STAT3: variants seen among roughly 807,000 people sequenced by gnomAD.
STAT3 encodes DNA-binding protein APRF.
STAT3 carries 7 observed loss-of-function variants against 114.3 expected under a neutral mutation model. That is an observed-to-expected ratio of 0.06 (90% CI 0.03 to 0.11). STAT3 has a LOEUF of 0.11. Ranked by LOEUF, STAT3 falls within the 10% of genes least tolerant of loss-of-function variation. STAT3 has a pLI of 1.00. For synonymous variants in STAT3, 331 were observed against 354.5 expected (o/e 0.93, Z 0.74); for missense variants, 364 against 960.9 (o/e 0.38, Z 8.21).
intron 1 of STAT3, among the ~76,000 whole-genome samples, chr17:42,372,977 G>T (rs2084238642): frequency 6.6e-6 from 1 of 152,140 alleles, no homozygotes; most frequent in Non-Finnish European, 1.5e-5. Context: ...AATAATAGAA[G>T]TTGTGGGAGA....
intron 1 of STAT3, among the ~76,000 whole-genome samples, chr17:42,357,440 G>C (rs1287738023): frequency 6.6e-6 from 1 of 152,136 alleles, no homozygotes; most frequent in Non-Finnish European, 1.5e-5. Flanking sequence ...GGGAGGCTGA[G>C]GAGGGTAGGT....
intron 14 of STAT3, among the ~76,000 whole-genome samples, chr17:42,327,806 C>G (rs1164564598): frequency 6.6e-6 from 1 of 152,064 alleles, no homozygotes. Flanking sequence ...CCAGCACTTT[C>G]GGAGGCCGAG....
intron 4 of STAT3, among the ~76,000 whole-genome samples, chr17:42,345,173 G>A (rs2082639143): frequency 6.6e-6 from 1 of 151,810 alleles, no homozygotes; most frequent in African/African-American, 2.4e-5. Context: ...GCTGAGGCAG[G>A]AGAATCACTT....
At chr17:42,357,611 G>A (rs1180559013) in intron 1 of STAT3, among the ~76,000 whole-genome samples, 2 of 152,168 alleles carry the variant, frequency 1.3e-5, no homozygotes, top group African/African-American at 4.8e-5. Context: ...GGCAGAGGTT[G>A]CAGTGAACCA....
rs151033214 is a variant in STAT3 at position 42,316,818 on chromosome 17, C to A, written c.2228G>T (p.Gly743Val). 225 of 1,613,772 alleles carry A rather than the reference C, an allele frequency of 1.4e-4. No individual in the cohort carries two copies. Among genetic ancestry groups the A allele is most frequent in the Non-Finnish European group, 1.8e-4 (218 of 1,179,986 alleles). The change falls in exon 23 of 24, where the codon GGT becomes GTT. Residue 743 changes from glycine to valine, a missense_variant. Around this residue, in one of 5 missense-constraint regions of STAT3, gnomAD observed 37 missense variants for 66.5 expected, o/e 0.56. Transcript: ENST00000264657. Reference protein sequence around the residue: ...SLMQFGNNGEGAEPSAGGQFE... With the variant: ...SLMQFGNNGEVAEPSAGGQFE... ...CTGCCCTCCTGCTGAGGGTTCAGCA[C>A]CTTCACCATTATTTCCAAACTGCAT...
chr17:42,338,440 TGGACC>T (rs2082309358), intron 6 of STAT3, among the ~76,000 whole-genome samples: 1 of 1,800 alleles, frequency 5.6e-4, no homozygotes, highest in Admixed American at 0.01. Context: ...GGAATACTCC[TGGACC>T]TGAGGGAATA....
chr17:42,364,276 G>A (rs892476560), intron 1 of STAT3, among the ~76,000 whole-genome samples: 3 of 152,184 alleles, frequency 2.0e-5, no homozygotes, highest in African/African-American at 7.2e-5. Flanking sequence ...GAGAAGCAAA[G>A]TATTTTTCTA....
chr17:42,362,544 T>G (rs922988338), intron 1 of STAT3, among the ~76,000 whole-genome samples: 2 of 152,186 alleles, frequency 1.3e-5, no homozygotes, highest in East Asian at 3.8e-4. Context: ...AAACAAGATT[T>G]GTTATCTTAA....
chr17:42,386,879 A>C (rs1193009900), intron 1 of STAT3: 1 of 152,208 alleles, frequency 6.6e-6, no homozygotes, highest in Non-Finnish European at 1.5e-5. Context: ...GTGCAAACTG[A>C]ACAAAAACTG....
chr17:42,334,916 T>A (rs2082170704), intron 8 of STAT3, among the ~76,000 whole-genome samples: 1 of 152,090 alleles, frequency 6.6e-6, no homozygotes, highest in South Asian at 2.1e-4. Flanking sequence ...ACACGAAATA[T>A]GGAATTTAGC....
intron 1 of STAT3, among the ~76,000 whole-genome samples, chr17:42,380,379 T>C (rs11869886): frequency 0.061 from 9,277 of 150,972 alleles, 343 homozygotes; most frequent in Non-Finnish European, 0.074. Flanking sequence ...ACCCTAATTA[T>C]GCTTTTTGTT....
At chr17:42,342,439 C>T (rs17879513) in intron 4 of STAT3, among the ~76,000 whole-genome samples, 2,961 of 151,712 alleles carry the variant, frequency 0.02, 106 homozygotes, top group African/African-American at 0.068. Context: ...GCCGAAATCG[C>T]GTCACTGCAC....
At chr17:42,354,888 T>C (rs532886947) in intron 1 of STAT3, among the ~76,000 whole-genome samples, 7 of 151,290 alleles carry the variant, frequency 4.6e-5, no homozygotes, top group South Asian at 2.1e-4. Flanking sequence ...CCATAGGTAA[T>C]ACTTTAATAG....
intron 1 of STAT3, among the ~76,000 whole-genome samples, chr17:42,358,111 G>A (rs2083315506): frequency 6.6e-6 from 1 of 152,110 alleles, no homozygotes. Flanking sequence ...GACAAAATTT[G>A]AATATATGAA....
chr17:42,365,520 C>T (rs866074657), intron 1 of STAT3, among the ~76,000 whole-genome samples: 4 of 151,920 alleles, frequency 2.6e-5, no homozygotes, highest in East Asian at 1.9e-4. Context: ...TTATTGCATT[C>T]GGCAACTAGA....
rs976059547 is a variant in STAT3 at position 42,339,254 on chromosome 17, T to C, written c.468+60A>G. On this transcript the variant is annotated intron_variant, in intron 5 of 23. Transcript: ENST00000264657. ...CTGAGTGGCAGAGCAAGACCCTGTC[T>C]CAAAAAAAAAAAAAAAAATTAATGA... 702 of 1,148,324 alleles carry C rather than the reference T, an allele frequency of 6.1e-4. 3 individuals are homozygous for C. In the African/African-American group the frequency reaches 0.012, roughly 19 times the overall value. The allele number at this position is 1,148,324 out of a possible 1,614,324, so 71.1% of individuals were successfully genotyped here.
intron 23 of STAT3, 162 bp from the exon 24 acceptor site, chr17:42,315,962 C>T: frequency 1.3e-6 from 2 of 1,501,900 alleles, no homozygotes; most frequent in Non-Finnish European, 1.8e-6. Context: ...TTACCCTCCT[C>T]CCTGGAGGAC....
At chr17:42,376,529 G>A (rs1182578736) in intron 1 of STAT3, among the ~76,000 whole-genome samples, 1 of 132,330 alleles carries the variant, frequency 7.6e-6, no homozygotes, top group Admixed American at 7.9e-5. Flanking sequence ...CCTGGCAACA[G>A]AGCAAGACTC....
Position 42,367,975 on chromosome 17 carries a change from A to C in STAT3, c.-23-19436T>G, listed in dbSNP as rs111279760. Among the ~76,000 whole-genome samples the C allele has an allele frequency of 1.1e-3, 170 of 152,368 alleles. 2 individuals carry two copies. The highest frequency in any genetic ancestry group is 2.0e-3 in the Non-Finnish European group (137 of 68,044). ...TCCTTAAGTAGGAGACAATAGGTAC[A>C]ATAATGCATGCAAATGTTAAGTGGT... On this transcript the variant is annotated intron_variant, in intron 1 of 23. Transcript: ENST00000264657.
Sources: gnomAD v4.1 joint callset for allele counts (sites outside exome capture counted in the v4.1 genomes callset) on GRCh38, gnomAD v4.1.1 for gene constraint, gnomAD v4.1.1 regional missense constraint, MANE v1.5 for transcripts, NCBI Gene and HGNC (gene_info 2026-07-23, HGNC 2026-07-21) for gene names.